The following RIMKLB variants were observed in gnomAD, a reference collection of about 807,000 sequenced individuals.
RIMKLB encodes beta-citrylglutamate synthase B.
In RIMKLB, 7 loss-of-function variants were observed where a neutral mutation model predicts 32.0. The ratio of observed to expected loss-of-function variants is 0.22; its 90% CI spans 0.12 to 0.41. The LOEUF (loss-of-function observed/expected upper bound fraction) is 0.41. Ranked by LOEUF, RIMKLB falls within the 10% of genes least tolerant of loss-of-function variation. The pLI, the probability that RIMKLB is intolerant of heterozygous loss-of-function variation, is 1.00. For missense variants in RIMKLB, 289 were observed against 498.7 expected (o/e 0.58, Z 4.00); for synonymous variants, 172 against 185.1 (o/e 0.93, Z 0.57).
At chr12:8,716,420 C>G (rs1278320282) in intron 2 of RIMKLB, among the ~76,000 whole-genome samples, 3 of 146,020 alleles carry the variant, frequency 2.1e-5, no homozygotes, top group Non-Finnish European at 1.5e-5. Context: ...CTAGCCTTAC[C>G]ATTAACATGT....
At chr12:8,766,534 T>A (rs2138127440) in intron 5 of RIMKLB, among the ~76,000 whole-genome samples, 1 of 152,326 alleles carries the variant, frequency 6.6e-6, no homozygotes, top group Non-Finnish European at 1.5e-5. Flanking sequence ...GTCTTTTTGA[T>A]TCTGTAAGTA....
intron 1 of RIMKLB, among the ~76,000 whole-genome samples, chr12:8,689,588 T>G (rs1404790805): frequency 6.6e-6 from 1 of 152,218 alleles, no homozygotes; most frequent in Non-Finnish European, 1.5e-5. Context: ...TGCCTCTCTT[T>G]GTTATTTCTT....
intron 1 of RIMKLB, among the ~76,000 whole-genome samples, chr12:8,709,490 C>T (rs1944183981): frequency 2.0e-5 from 3 of 152,268 alleles, no homozygotes; most frequent in South Asian, 2.1e-4. Flanking sequence ...GAGCCTCTAC[C>T]TTTGGGATTG....
chr12:8,731,165 C>CGA (rs1394068386), intron 2 of RIMKLB, among the ~76,000 whole-genome samples: 1 of 152,140 alleles, frequency 6.6e-6, no homozygotes, highest in African/African-American at 2.4e-5. Flanking sequence ...GGCGCAATCT[C>CGA]GGCTCACTGC....
intron 2 of RIMKLB, among the ~76,000 whole-genome samples, chr12:8,717,800 T>C (rs745882641): frequency 1.3e-5 from 2 of 152,344 alleles, no homozygotes; most frequent in South Asian, 2.1e-4. Context: ...GCTCTAGTTA[T>C]ATTTGCCTTT....
chr12:8,731,660 C>T (rs1236588734), intron 2 of RIMKLB, among the ~76,000 whole-genome samples: 2 of 152,056 alleles, frequency 1.3e-5, no homozygotes, highest in East Asian at 3.9e-4. Flanking sequence ...GAGTCAGTTA[C>T]TTTGTACTCC....
upstream of RIMKLB, among the ~76,000 whole-genome samples, chr12:8,693,836 G>A (rs1388312770): frequency 6.6e-6 from 1 of 152,174 alleles, no homozygotes; most frequent in African/African-American, 2.4e-5. Flanking sequence ...TCTTTACCCT[G>A]GCTGTGTATT....
chr12:8,764,760 T>C (rs889863669), intron 5 of RIMKLB, among the ~76,000 whole-genome samples: 13 of 152,090 alleles, frequency 8.5e-5, no homozygotes, highest in Non-Finnish European at 1.5e-4. Flanking sequence ...CTTCCAGTGA[T>C]TCCCTTTACA....
chr12:8,728,487 CATA>C (rs1228818802), intron 2 of RIMKLB, among the ~76,000 whole-genome samples: 2 of 152,222 alleles, frequency 1.3e-5, no homozygotes, highest in East Asian at 3.9e-4. Context: ...TTAGGTGGAA[CATA>C]ATGTCCAGAG....
Position 8,738,742 on chromosome 12 carries a change from C to T in RIMKLB, c.176-11120C>T, listed in dbSNP as rs1000898042. 7.9e-5 allele frequency among the ~76,000 whole-genome samples: 12 copies of T among 152,274 alleles called. No individual in the cohort carries two copies. The South Asian group carries it at 1.0e-3, about 13-fold the overall frequency. The stretch of plus-strand genomic sequence containing the variant: ...AATGGGTGGGAGGAGTGATACCCCC[C>T]GTCCCCCAGCCAAGCTAATTGGTGA... On this transcript the variant is annotated intron_variant, in intron 2 of 5. Coordinates refer to ENST00000535829, the MANE Select transcript of RIMKLB (RefSeq NM_001297776.2).
At chr12:8,755,376 T>C (rs1338559803) in intron 5 of RIMKLB, among the ~76,000 whole-genome samples, 1 of 152,034 alleles carries the variant, frequency 6.6e-6, no homozygotes, top group African/African-American at 2.4e-5. Flanking sequence ...TGTGGGATTA[T>C]AGATGAGAGC....
chr12:8,715,228 C>CCTTTT (rs1445737752), intron 2 of RIMKLB, among the ~76,000 whole-genome samples: 4 of 123,760 alleles, frequency 3.2e-5, no homozygotes, highest in African/African-American at 1.3e-4. Context: ...TGCTCTTGTT[C>CCTTTT]TTTTTTTTTT....
intron 1 of RIMKLB, among the ~76,000 whole-genome samples, chr12:8,712,140 A>G (rs1167786150): frequency 1.3e-5 from 2 of 152,136 alleles, no homozygotes; most frequent in African/African-American, 4.8e-5. Flanking sequence ...TAGTGTTTAT[A>G]TATTTTTCAT....
At chr12:8,729,768 A>G (rs913341827) in intron 2 of RIMKLB, among the ~76,000 whole-genome samples, 1 of 152,020 alleles carries the variant, frequency 6.6e-6, no homozygotes, top group Admixed American at 6.5e-5. Flanking sequence ...ACCTGACCTA[A>G]TAGTCCATTT....
intron 2 of RIMKLB, among the ~76,000 whole-genome samples, chr12:8,714,502 C>A (rs1289200659): frequency 6.6e-6 from 1 of 152,092 alleles, no homozygotes; most frequent in Non-Finnish European, 1.5e-5. Flanking sequence ...TTGATTAGTA[C>A]TTGATTAATA....
Position 8,713,949 on chromosome 12 carries a change from G to A in RIMKLB, c.83G>A (p.Arg28Gln), listed in dbSNP as rs1214512443. 1.2e-6 allele frequency: 2 copies of A among 1,614,086 alleles called. No individual in the cohort carries two copies. The highest frequency in any genetic ancestry group is 1.7e-5 in the Admixed American group (1 of 59,998). ...GACTATCCTCAAAAAGAGATTTTAC[G>A]AGCATTGAAGGCCAAATGTTGTGAG... ...REDYPQKEIL[R>Q]ALKAKCCEEE... Residue 28 changes from arginine (R) to glutamine (Q), a missense_variant, in exon 2 of 6, where the codon CGA becomes CAA. Arg to Gln is a conservative substitution (Grantham distance 43). This residue lies in a region of RIMKLB where 34 missense variants were observed against 35.3 expected (regional missense o/e 0.96). Transcript: ENST00000535829.
intron 5 of RIMKLB, among the ~76,000 whole-genome samples, chr12:8,761,289 AAAG>A (rs1255087204): frequency 9.2e-5 from 14 of 151,976 alleles, no homozygotes; most frequent in Admixed American, 8.5e-4. Flanking sequence ...AAAAAAAAAA[AAAG>A]AATTTGTTTT....
At position 8,713,927 on chromosome 12, in the gene RIMKLB, T is replaced by C. The variant is rs1274691538; in HGVS notation, c.61T>C (p.Tyr21His). The C allele has an allele frequency of 6.2e-7, 1 of 1,614,136 alleles. No homozygotes were observed. The highest frequency in any genetic ancestry group is 1.7e-5 in the Admixed American group (1 of 60,016). Reference sequence around the variant, plus strand: ...GACAGATCGTCGCATCAGGGAAGACTATCCTCAAAAAGAGATTTTACGAGC... The same window carrying C: ...GACAGATCGTCGCATCAGGGAAGACCATCCTCAAAAAGAGATTTTACGAGC... ...FLTDRRIRED[Y>H]PQKEILRALK... Residue 21 changes from tyrosine (Y) to histidine (H), a missense_variant, in exon 2 of 6, where the codon TAT becomes CAT. Around this residue, in one of 3 missense-constraint regions of RIMKLB, gnomAD observed 34 missense variants for 35.3 expected, o/e 0.96. Coordinates refer to ENST00000535829, the MANE Select transcript of RIMKLB (RefSeq NM_001297776.2).
upstream of RIMKLB, among the ~76,000 whole-genome samples, chr12:8,697,506 G>A (rs1423879883): frequency 6.6e-6 from 1 of 152,080 alleles, no homozygotes; most frequent in Non-Finnish European, 1.5e-5. Flanking sequence ...GCAGATTGAT[G>A]GGGCCTAAGC....
Sources: gnomAD v4.1 joint callset for allele counts (sites outside exome capture counted in the v4.1 genomes callset) on GRCh38, gnomAD v4.1.1 for gene constraint, gnomAD v4.1.1 regional missense constraint, MANE v1.5 for transcripts, NCBI Gene and HGNC (gene_info 2026-07-23, HGNC 2026-07-21) for gene names.